RNF43: variants seen among roughly 807,000 people sequenced by gnomAD.
The protein encoded by RNF43 is ring finger protein 43.
In RNF43, 37 loss-of-function variants were observed where a neutral mutation model predicts 78.4. The ratio of observed to expected loss-of-function variants is 0.47; its 90% confidence interval spans 0.36 to 0.62. The LOEUF (loss-of-function observed/expected upper bound fraction) is 0.62. Ranked by LOEUF, RNF43 falls within the 20% of genes least tolerant of loss-of-function variation. The probability of loss-of-function intolerance (pLI) is 0.00; values close to 1 mark genes in which losing one functional copy is unlikely to be tolerated. For missense variants in RNF43, 774 were observed against 1,007.9 expected (o/e 0.77, Z 3.14); for synonymous variants, 347 against 395.0 (o/e 0.88, Z 1.44).
chr17:58,371,231 C>T (rs1038749950), intron 2 of RNF43, among the ~76,000 whole-genome samples, 198 bp from the exon 3 acceptor site: 4 of 152,176 alleles, frequency 2.6e-5, no homozygotes, highest in Non-Finnish European at 5.9e-5. Context: ...GGGCCAAGGA[C>T]ACAGGTAGTG....
intron 2 of RNF43, among the ~76,000 whole-genome samples, chr17:58,398,364 G>C (rs1411379461): frequency 6.6e-6 from 1 of 151,998 alleles, no homozygotes; most frequent in East Asian, 1.9e-4. Flanking sequence ...CAATCTCCCT[G>C]GGAAGTTCTT....
At chr17:58,399,228 A>C (rs1326508925) in intron 2 of RNF43, among the ~76,000 whole-genome samples, 1 of 152,254 alleles carries the variant, frequency 6.6e-6, no homozygotes, top group Non-Finnish European at 1.5e-5. Context: ...TTTTGGGAAG[A>C]GACTTCAAAT....
intron 2 of RNF43, among the ~76,000 whole-genome samples, chr17:58,382,040 G>A (rs898461602): frequency 6.6e-6 from 1 of 151,952 alleles, no homozygotes; most frequent in South Asian, 2.1e-4. Context: ...CCAATCCTTT[G>A]ACCAGCCCTC....
Position 58,370,936 on chromosome 17 carries a change from CG to C in RNF43, c.349del (p.Arg117AlafsTer41). The part of the protein sequence containing the change: ...VKLESPRRAP[R>X]PCLSLASKAR... ...CTTGCTAGCCAGTGACAGGCAGGGG[CG>C]GGGGGCCCGTCGAGGACTCTCCAGC... On this transcript the variant is annotated frameshift_variant, in exon 3 of 10. Coordinates refer to ENST00000407977, the MANE Select transcript of RNF43 (RefSeq NM_017763.6). LOFTEE classifies it high-confidence loss of function. The C allele has an allele frequency of 1.9e-6, 3 of 1,605,698 alleles. No homozygotes were observed. The highest frequency in any genetic ancestry group is 1.7e-5 in the Admixed American group (1 of 59,304).
At chr17:58,366,662 C>A in intron 3 of RNF43, among the ~76,000 whole-genome samples, 1 of 152,350 alleles carries the variant, frequency 6.6e-6, no homozygotes, top group Non-Finnish European at 1.5e-5. Flanking sequence ...AGTCACTTCA[C>A]TACTCTGTGT....
At chr17:58,415,163 A>G (rs902423615) in intron 2 of RNF43, among the ~76,000 whole-genome samples, 163 bp downstream of exon 2, 2 of 152,220 alleles carry the variant, frequency 1.3e-5, no homozygotes, top group Admixed American at 1.3e-4. Context: ...GTATAAAATA[A>G]TAATTTGCTA....
intron 2 of RNF43, chr17:58,402,638 AC>A (rs1973829580): frequency 6.6e-6 from 1 of 152,206 alleles, no homozygotes; most frequent in African/African-American, 2.4e-5. Flanking sequence ...CATTGTTCTT[AC>A]CCAGAAGATA....
intron 3 of RNF43, among the ~76,000 whole-genome samples, chr17:58,365,706 C>A (rs1211116081): frequency 2.0e-5 from 3 of 152,140 alleles, no homozygotes; most frequent in Non-Finnish European, 4.4e-5. Flanking sequence ...TGTCCACCTG[C>A]CCCCAAGAAA....
Position 58,415,674 on chromosome 17 carries a change from A to G in RNF43, c.-97T>C. The G allele has an allele frequency of 7.2e-7, 1 of 1,393,252 alleles. No individual in the cohort carries two copies. The highest frequency in any genetic ancestry group is 1.4e-5 in the African/African-American group (1 of 69,898). The allele number at this position is 1,393,252 out of a possible 1,614,324, so 86.3% of individuals were successfully genotyped here. On this transcript the variant is annotated 5_prime_UTR_variant, in exon 2 of 10. Coordinates refer to ENST00000407977, the MANE Select transcript of RNF43 (RefSeq NM_017763.6). The stretch of plus-strand genomic sequence containing the variant: ...AGATCCAGACAAATGGAGGAAAAGA[A>G]CATTTATGCTTCCGTTTCAGAAAGC...
At chr17:58,366,609 A>G (rs185723049) in intron 3 of RNF43, among the ~76,000 whole-genome samples, 1 of 152,322 alleles carries the variant, frequency 6.6e-6, no homozygotes, top group East Asian at 1.9e-4. Context: ...CTAGGGGTGA[A>G]TCCTGGCTCT....
intron 2 of RNF43, among the ~76,000 whole-genome samples, chr17:58,399,373 C>T (rs1264534046): frequency 1.3e-5 from 2 of 152,138 alleles, no homozygotes; most frequent in Non-Finnish European, 2.9e-5. Flanking sequence ...ATGACAAAAA[C>T]TCTGCTTATT....
In RNF43 at chr17:58,357,431, C is replaced by T. The variant is rs375779794; in HGVS notation, c.2308+37G>A. On this transcript the variant is annotated intron_variant, in intron 9 of 9. Coordinates refer to ENST00000407977, the MANE Select transcript of RNF43 (RefSeq NM_017763.6). The surrounding 1 kb of genome is among the most constrained non-coding windows in gnomAD (Gnocchi z 4.5). ...TCCTGAAATATTCAGCTGTAGTCTC[C>T]TCTCCCTACCACACCCACTTCCCTC... The T allele has an allele frequency of 5.6e-6, 9 of 1,613,820 alleles. No homozygotes were observed. The Admixed American group carries it at 1.3e-4, about 24-fold the overall frequency.
intron 3 of RNF43, among the ~76,000 whole-genome samples, chr17:58,365,821 A>T (rs1972937178): frequency 6.6e-6 from 1 of 152,176 alleles, no homozygotes; most frequent in Admixed American, 6.5e-5. Flanking sequence ...TTTTAGAAAG[A>T]ATCCAAAGAG....
intron 2 of RNF43, among the ~76,000 whole-genome samples, chr17:58,398,728 A>G (rs1973734544): frequency 1.3e-5 from 2 of 152,350 alleles, no homozygotes; most frequent in South Asian, 2.1e-4. Flanking sequence ...AAAGATATCA[A>G]GAAGTAAAGG....
chr17:58,377,460 T>C (rs1188611658), intron 2 of RNF43, among the ~76,000 whole-genome samples: 2 of 152,102 alleles, frequency 1.3e-5, no homozygotes, highest in African/African-American at 4.8e-5. Flanking sequence ...CAAACCCCAC[T>C]GAACAAGCTC....
chr17:58,414,336 C>T (rs1312793318), intron 2 of RNF43, among the ~76,000 whole-genome samples: 1 of 152,120 alleles, frequency 6.6e-6, no homozygotes, highest in Non-Finnish European at 1.5e-5. Flanking sequence ...TCTGTTCATA[C>T]CACAAAATTA....
At position 58,415,316 on chromosome 17, in the gene RNF43, T is replaced by C. The variant is rs1257045160; in HGVS notation, c.252+10A>G. The C allele has an allele frequency of 1.9e-6, 3 of 1,613,844 alleles. No individual in the cohort carries two copies. The highest frequency in any genetic ancestry group is 2.5e-6 in the Non-Finnish European group (3 of 1,179,844). On this transcript the variant is annotated intron_variant, in intron 2 of 9. Transcript: ENST00000407977. ...AGATGGAAAGTGAAATATAATAAAG[T>C]TATACTTGCCTGCATTAATTTTCCT...
rs377367279 is a variant in RNF43, at chr17:58,358,196, G to T, written c.1580C>A (p.Thr527Asn). ...CGAGTCCAAGGAACGAGGCCGAGAG[G>T]TCACACTAGGCTGCATGTCCACTCG... The part of the protein sequence containing the change: ...PQRVDMQPSV[T>N]SRPRSLDSVV... Residue 527 changes from threonine to asparagine, a missense_variant, in exon 9 of 10, where the codon ACC (threonine) becomes AAC (asparagine). By Grantham distance (65) the Thr-to-Asn change is moderately conservative (BLOSUM62 0). Coordinates refer to ENST00000407977, the MANE Select transcript of RNF43 (RefSeq NM_017763.6). The surrounding 1 kb of genome is among the most constrained non-coding windows in gnomAD (Gnocchi z 6.2). The T allele has an allele frequency of 1.2e-6, 2 of 1,612,928 alleles. No homozygotes were observed. Among genetic ancestry groups the T allele is most frequent in the African/African-American group, 2.7e-5 (2 of 74,896 alleles).
chr17:58,411,859 A>T (rs546582973), intron 2 of RNF43, among the ~76,000 whole-genome samples: 5 of 152,352 alleles, frequency 3.3e-5, no homozygotes, highest in Admixed American at 3.3e-4. Context: ...ACAAACATTG[A>T]TAAGAGGTAA....
Sources: allele counts gnomAD v4.1 joint callset (sites outside exome capture counted in the v4.1 genomes callset), GRCh38; gene constraint gnomAD v4.1.1; non-coding constraint Gnocchi (gnomAD v3.1); transcripts MANE v1.5; gene names NCBI Gene and HGNC (gene_info 2026-07-23, HGNC 2026-07-21).